ANXA2: variants seen among roughly 807,000 people sequenced by gnomAD.
ANXA2 encodes the protein annexin II.
In ANXA2, 28 loss-of-function variants were observed where a neutral mutation model predicts 47.3. The ratio of observed to expected loss-of-function variants is 0.59; its 90% CI spans 0.44 to 0.81. The LOEUF (loss-of-function observed/expected upper bound fraction) is 0.81, where lower values mean the gene tolerates loss of function less well. Among genes scored for constraint, ANXA2 ranks in the 40% least tolerant of loss-of-function variants. The probability of loss-of-function intolerance (pLI) is 0.00; values close to 1 mark genes in which losing one functional copy is unlikely to be tolerated. For missense variants in ANXA2, 384 were observed against 414.3 expected (o/e 0.93, Z 0.64); for synonymous variants, 172 against 155.5 (o/e 1.11, Z -0.79).
intron 7 of ANXA2, among the ~76,000 whole-genome samples, chr15:60,354,661 A>AAGAAAC (rs1286003262): frequency 6.6e-6 from 1 of 151,884 alleles, no homozygotes; most frequent in Non-Finnish European, 1.5e-5. Context: ...GAAAAAGAAA[A>AAGAAAC]AGAAACCTAG....
chr15:60,358,347 A>G (rs1334987199), intron 5 of ANXA2, among the ~76,000 whole-genome samples: 1 of 152,200 alleles, frequency 6.6e-6, no homozygotes, highest in African/African-American at 2.4e-5. Context: ...TTCATGATCA[A>G]AGTCAAGATT....
At chr15:60,388,740 T>G (rs1279320012) in intron 1 of ANXA2, among the ~76,000 whole-genome samples, 1 of 150,260 alleles carries the variant, frequency 6.7e-6, no homozygotes, top group Non-Finnish European at 1.5e-5. Context: ...TAGACCTTTT[T>G]TTTTTTTTTT....
chr15:60,375,115 G>C (rs1190367563), intron 3 of ANXA2, among the ~76,000 whole-genome samples: 1 of 152,190 alleles, frequency 6.6e-6, no homozygotes, highest in Non-Finnish European at 1.5e-5. Context: ...TTCTGCAGTG[G>C]CATGGGATGT....
At chr15:60,389,225 C>T (rs2062974789) in intron 1 of ANXA2, among the ~76,000 whole-genome samples, 2 of 152,186 alleles carry the variant, frequency 1.3e-5, no homozygotes, top group Non-Finnish European at 2.9e-5. Flanking sequence ...AAATGCCAAA[C>T]GTAAAACAAA....
chr15:60,365,302 C>T (rs2062580027), intron 3 of ANXA2, among the ~76,000 whole-genome samples: 1 of 152,004 alleles, frequency 6.6e-6, no homozygotes, highest in Admixed American at 6.6e-5. Context: ...TAAGCAATGC[C>T]TTCTGGTGTC....
intron 3 of ANXA2, among the ~76,000 whole-genome samples, chr15:60,378,493 G>C (rs1595696286): frequency 6.6e-6 from 1 of 152,112 alleles, no homozygotes; most frequent in Non-Finnish European, 1.5e-5. Context: ...AGATTTATCT[G>C]GTCTTTCACT....
At chr15:60,367,295 C>T (rs1484748839) in intron 3 of ANXA2, among the ~76,000 whole-genome samples, 492 of 128,916 alleles carry the variant, frequency 3.8e-3, no homozygotes, top group African/African-American at 0.014. Context: ...CCCGGCCAGC[C>T]GCCCCGTCCG....
At chr15:60,385,109 A>G (rs902808579) in intron 2 of ANXA2, among the ~76,000 whole-genome samples, 8 of 152,276 alleles carry the variant, frequency 5.3e-5, no homozygotes, top group Admixed American at 1.3e-4. Context: ...CTAGGTTCAC[A>G]TATTTCCTAT....
chr15:60,354,626 AAAAAAAAAAAAGAAAGAAAG>A lies in ANXA2; in HGVS notation c.529-433_529-414del, dbSNP rs1374191830. On this transcript the variant is annotated intron_variant, in intron 7 of 12. Coordinates refer to ENST00000451270, the MANE Select transcript of ANXA2 (RefSeq NM_004039.3). Reference sequence around the variant, plus strand: ...CAGAGTGAGACTCTGTCTCAAAAAAAAAAAAAAAAAAGAAAGAAAGAAAAGAAAAAGAAAAAGAAACCTAG... The same window carrying A: ...CAGAGTGAGACTCTGTCTCAAAAAAAAAAAGAAAAAGAAAAAGAAACCTAG... Among the ~76,000 whole-genome samples the A allele has an allele frequency of 2.0e-5, 3 of 151,034 alleles. No individual in the cohort carries two copies. In the East Asian group the frequency reaches 5.8e-4, roughly 29 times the overall value.
chr15:60,395,031 A>C (rs12440452), intron 1 of ANXA2, among the ~76,000 whole-genome samples: 88,994 of 152,022 alleles, frequency 0.59, 26,761 homozygotes, highest in East Asian at 0.83. Context: ...TTTAATTCTC[A>C]CAATTGAATC....
intron 12 of ANXA2, 31 bp from the exon 13 acceptor site, chr15:60,347,720 G>A (rs1211828990): frequency 1.2e-6 from 2 of 1,607,488 alleles, no homozygotes; most frequent in Non-Finnish European, 1.7e-6. Context: ...AAAGAAACGT[G>A]GTATCAGAAA....
intron 3 of ANXA2, among the ~76,000 whole-genome samples, chr15:60,368,091 G>A (rs968508219): frequency 7.2e-6 from 1 of 138,068 alleles, no homozygotes; most frequent in African/African-American, 2.8e-5. Context: ...GATGTGCTTT[G>A]TTAAACAGAT....
At chr15:60,376,969 C>A (rs2062787770) in intron 3 of ANXA2, among the ~76,000 whole-genome samples, 1 of 152,314 alleles carries the variant, frequency 6.6e-6, no homozygotes, top group South Asian at 2.1e-4. Flanking sequence ...CACGTGTGTA[C>A]ACACGGCTAC....
At chr15:60,381,913 C>T (rs2062865183) in intron 3 of ANXA2, among the ~76,000 whole-genome samples, 1 of 151,692 alleles carries the variant, frequency 6.6e-6, no homozygotes, top group Non-Finnish European at 1.5e-5. Context: ...CCCCTAGGAC[C>T]AGATCCGGCT....
At chr15:60,397,830 C>G in intron 1 of ANXA2, 113 bp downstream of exon 1, 1 of 1,373,362 alleles carries the variant, frequency 7.3e-7, no homozygotes, top group South Asian at 1.7e-5. Context: ...CCCCCGACGG[C>G]CTCCGGGGCC....
chr15:60,390,709 A>G, intron 1 of ANXA2: 1 of 199,912 alleles, frequency 5.0e-6, no homozygotes. Flanking sequence ...TATTATGAGG[A>G]CAATAAAATC....
intron 7 of ANXA2, among the ~76,000 whole-genome samples, chr15:60,355,164 AG>A (rs1004791198): frequency 2.0e-5 from 3 of 152,192 alleles, no homozygotes; most frequent in Admixed American, 2.0e-4. Flanking sequence ...CACAGCAGTT[AG>A]GAGTTTAAAT....
At chr15:60,390,109 A>C (rs1225768672) in intron 1 of ANXA2, 1 of 195,240 alleles carries the variant, frequency 5.1e-6, no homozygotes, top group African/African-American at 2.4e-5. Flanking sequence ...TCAACTTGAA[A>C]ACAATGAGTT....
chr15:60,362,342 C>T (rs1454941004), intron 4 of ANXA2, among the ~76,000 whole-genome samples: 2 of 152,216 alleles, frequency 1.3e-5, no homozygotes, highest in Non-Finnish European at 2.9e-5. Flanking sequence ...TCCTTATGGG[C>T]GTTCAACTTC....
Sources: gnomAD v4.1 joint callset for allele counts (sites outside exome capture counted in the v4.1 genomes callset) on GRCh38, gnomAD v4.1.1 for gene constraint, MANE v1.5 for transcripts, NCBI Gene and HGNC (gene_info 2026-07-23, HGNC 2026-07-21) for gene names.